The following LINGO1 variants were observed in gnomAD, a reference collection of about 807,000 sequenced individuals.
The protein encoded by LINGO1 is leucine-rich repeat and immunoglobulin-like domain-containing nogo receptor-interacting protein 1.
Under a neutral mutation model 37.3 loss-of-function variants are expected in LINGO1, and 11 were observed. That is an observed-to-expected ratio of 0.29 (90% CI 0.19 to 0.49). The LOEUF (loss-of-function observed/expected upper bound fraction) is 0.49. LINGO1 is among the 20% of genes least tolerant of loss of function. The pLI, the probability that LINGO1 is intolerant of heterozygous loss-of-function variation, is 0.99. For synonymous variants in LINGO1, 387 were observed against 403.0 expected (o/e 0.96, Z 0.48); for missense variants, 585 against 878.2 (o/e 0.67, Z 4.22).
chr15:77,638,075 T>C (rs2074429640), upstream of LINGO1, among the ~76,000 whole-genome samples: 1 of 152,238 alleles, frequency 6.6e-6, no homozygotes, highest in Non-Finnish European at 1.5e-5. Flanking sequence ...CTACTGGGAA[T>C]CTCACTGGGA....
At chr15:77,785,499 C>T (rs559563855) in intron 1 of LINGO1, among the ~76,000 whole-genome samples, 40 of 152,234 alleles carry the variant, frequency 2.6e-4, no homozygotes, top group African/African-American at 8.7e-4. Flanking sequence ...GTCCCAGGAC[C>T]GTGGCTGCAT....
At chr15:77,621,373 C>T (rs941808704) in intron 1 of LINGO1, among the ~76,000 whole-genome samples, 1 of 152,218 alleles carries the variant, frequency 6.6e-6, no homozygotes, top group African/African-American at 2.4e-5. Context: ...GGGCTTTATA[C>T]CCATTGTCTC....
At chr15:77,772,296 T>C (rs1183968624) in intron 1 of LINGO1, among the ~76,000 whole-genome samples, 1 of 152,226 alleles carries the variant, frequency 6.6e-6, no homozygotes, top group Non-Finnish European at 1.5e-5. Context: ...TCAGGCAGCC[T>C]GGGTTCCAAC....
At chr15:77,674,477 C>T (rs1184215459) in intron 3 of LINGO1, among the ~76,000 whole-genome samples, 7 of 152,164 alleles carry the variant, frequency 4.6e-5, no homozygotes, top group Admixed American at 3.9e-4. Context: ...CCTGCAGGCC[C>T]TGAGTGATGA....
chr15:77,669,443 C>G (rs2075208672), intron 3 of LINGO1, among the ~76,000 whole-genome samples: 1 of 152,178 alleles, frequency 6.6e-6, no homozygotes, highest in Non-Finnish European at 1.5e-5. Context: ...GTTTGTAGTC[C>G]CCTGAGTGAA....
intron 2 of LINGO1, among the ~76,000 whole-genome samples, chr15:77,733,971 G>A (rs1826576858): frequency 6.6e-6 from 1 of 152,216 alleles, no homozygotes; most frequent in Admixed American, 6.5e-5. Flanking sequence ...TTCGTACTTG[G>A]CCTTCTACAC....
intron 2 of LINGO1, among the ~76,000 whole-genome samples, chr15:77,709,900 C>A (rs2075897543): frequency 6.6e-6 from 1 of 152,212 alleles, no homozygotes; most frequent in Admixed American, 6.5e-5. Context: ...GCATATCAGA[C>A]CACCCAGTGA....
At chr15:77,819,200 C>G (rs900873349) in intron 1 of LINGO1, 1 of 149,324 alleles carries the variant, frequency 6.7e-6, no homozygotes, top group Non-Finnish European at 1.5e-5. Flanking sequence ...GGCGGGCAGA[C>G]ACACCGGCTC....
At chr15:77,647,791 T>C (rs111594428) in intron 3 of LINGO1, 2 of 451,820 alleles carry the variant, frequency 4.4e-6, no homozygotes, top group African/African-American at 2.0e-5. Flanking sequence ...CTCTCTTCTT[T>C]CCTTGTCTCT....
intron 3 of LINGO1, among the ~76,000 whole-genome samples, chr15:77,646,882 G>A (rs994024711): frequency 1.3e-5 from 2 of 152,166 alleles, no homozygotes; most frequent in African/African-American, 4.8e-5. Flanking sequence ...ACCAGGGCCG[G>A]CCTAGAATCT....
At chr15:77,754,428 G>A (rs1323611118) in intron 1 of LINGO1, among the ~76,000 whole-genome samples, 3 of 152,148 alleles carry the variant, frequency 2.0e-5, no homozygotes, top group Non-Finnish European at 4.4e-5. Flanking sequence ...TAATTTCTCC[G>A]GCAGAAACTC....
At chr15:77,625,482 G>C (rs933272682) in intron 1 of LINGO1, among the ~76,000 whole-genome samples, 12 of 152,136 alleles carry the variant, frequency 7.9e-5, no homozygotes, top group African/African-American at 2.9e-4. Context: ...AACCCCAATG[G>C]TTTGGCTCCA....
At position 77,618,392 on chromosome 15, in the gene LINGO1, A is replaced by C. The variant is rs149600407; in HGVS notation, c.7-2492T>G. Among the ~76,000 whole-genome samples the C allele has an allele frequency of 6.7e-3, 1,023 of 152,280 alleles. 8 individuals carry two copies. The highest frequency in any genetic ancestry group is 0.023 in the African/African-American group (972 of 41,530). On this transcript the variant is annotated intron_variant, in intron 1 of 1. Transcript: ENST00000355300. Reference sequence around the variant, plus strand: ...TCCTGCACACTCCTACCTCTAAGCCATCTTGTTCTGGAGAACTGTCCCAGA... The same window carrying C: ...TCCTGCACACTCCTACCTCTAAGCCCTCTTGTTCTGGAGAACTGTCCCAGA...
intron 1 of LINGO1, among the ~76,000 whole-genome samples, chr15:77,623,853 C>CTGTGTG (rs59528630): frequency 2.1e-5 from 3 of 146,150 alleles, no homozygotes; most frequent in Non-Finnish European, 3.0e-5. Context: ...TGTGAGTGGC[C>CTGTGTG]TGTGTGTGTG....
intron 1 of LINGO1, among the ~76,000 whole-genome samples, chr15:77,621,681 A>G (rs994572623): frequency 1.3e-5 from 2 of 152,158 alleles, no homozygotes; most frequent in African/African-American, 2.4e-5. Flanking sequence ...AAACCCGACA[A>G]AAGCCTTTCC....
At chr15:77,632,952 G>A (rs990056394), upstream of LINGO1, among the ~76,000 whole-genome samples, 2 of 151,272 alleles carry the variant, frequency 1.3e-5, no homozygotes, top group Non-Finnish European at 3.0e-5. The surrounding 1 kb of genome is among the most constrained non-coding windows in gnomAD (Gnocchi z 6.0). Flanking sequence ...GAGGGAGGAG[G>A]GAGCGAGTGA....
At chr15:77,666,771 G>A (rs1420194220) in intron 3 of LINGO1, among the ~76,000 whole-genome samples, 1 of 152,218 alleles carries the variant, frequency 6.6e-6, no homozygotes, top group Non-Finnish European at 1.5e-5. Context: ...TTTTAACAGT[G>A]CCTGGCACAT....
chr15:77,734,051 G>A (rs1308231779), intron 2 of LINGO1, among the ~76,000 whole-genome samples: 1 of 152,206 alleles, frequency 6.6e-6, no homozygotes, highest in Non-Finnish European at 1.5e-5. Flanking sequence ...TGAAGCCAGA[G>A]CCCTAACTCC....
intron 2 of LINGO1, among the ~76,000 whole-genome samples, chr15:77,678,194 C>A (rs2075359159): frequency 6.6e-6 from 1 of 152,220 alleles, no homozygotes; most frequent in Admixed American, 6.5e-5. Context: ...GGTATAATTA[C>A]CCCACAGTAA....
Sources: gnomAD v4.1 joint callset for allele counts (sites outside exome capture counted in the v4.1 genomes callset) on GRCh38, gnomAD v4.1.1 for gene constraint, Gnocchi (gnomAD v3.1) non-coding constraint, MANE v1.5 for transcripts, NCBI Gene and HGNC (gene_info 2026-07-23, HGNC 2026-07-21) for gene names.